Variants in RIMBP2 observed in about 807,000 individuals in gnomAD.
RIMBP2 encodes the protein RIMS binding protein 2, also known as RIMS-binding protein 2.
RIMBP2 carries 48 observed loss-of-function variants against 118.6 expected under a neutral mutation model. The ratio of observed to expected loss-of-function variants is 0.40; its 90% confidence interval spans 0.32 to 0.51. RIMBP2 has a LOEUF of 0.51. RIMBP2 is among the 20% of genes least tolerant of loss of function. RIMBP2 has a pLI of 0.41. For missense variants in RIMBP2, 1,551 were observed against 1,768.3 expected (o/e 0.88, Z 2.20); for synonymous variants, 762 against 742.9 (o/e 1.03, Z -0.42).
At chr12:130,588,551 A>G (rs1426140131) in intron 2 of RIMBP2, among the ~76,000 whole-genome samples, 1 of 152,232 alleles carries the variant, frequency 6.6e-6, no homozygotes, top group East Asian at 1.9e-4. Context: ...CACGAGCTGA[A>G]GGGAGACACG....
intron 2 of RIMBP2, among the ~76,000 whole-genome samples, chr12:130,573,461 T>TGC (rs2057849368): frequency 6.6e-6 from 1 of 151,838 alleles, no homozygotes. Context: ...CGTGGGTGCA[T>TGC]GTGGGTGTGC....
chr12:130,679,931 G>A (rs1206444270), intron 1 of RIMBP2, among the ~76,000 whole-genome samples: 3 of 151,594 alleles, frequency 2.0e-5, no homozygotes, highest in Non-Finnish European at 1.5e-5. Context: ...CACCCACCGC[G>A]GGAAGGACCC....
intron 5 of RIMBP2, among the ~76,000 whole-genome samples, chr12:130,471,294 T>C (rs2080982289): frequency 6.6e-6 from 1 of 152,248 alleles, no homozygotes; most frequent in African/African-American, 2.4e-5. Context: ...TCGGGATGGC[T>C]GCTGCCCAGG....
chr12:130,448,049 A>G (rs1485383293), intron 9 of RIMBP2, among the ~76,000 whole-genome samples: 8 of 152,006 alleles, frequency 5.3e-5, no homozygotes, highest in Non-Finnish European at 1.0e-4. Context: ...GAAAACTCAG[A>G]AACAGCTCTC....
intron 2 of RIMBP2, among the ~76,000 whole-genome samples, chr12:130,546,249 G>A (rs1220586192): frequency 6.6e-6 from 1 of 151,770 alleles, no homozygotes; most frequent in African/African-American, 2.4e-5. Context: ...GACTACAGGT[G>A]TCCACTACCA....
intron 1 of RIMBP2, among the ~76,000 whole-genome samples, chr12:130,644,214 C>T (rs1046206065): frequency 5.3e-5 from 8 of 152,128 alleles, no homozygotes; most frequent in East Asian, 1.9e-4. Flanking sequence ...AACAAGGCCT[C>T]GAACTCACTC....
chr12:130,655,706 AAC>A (rs1414600216), intron 1 of RIMBP2, among the ~76,000 whole-genome samples: 3 of 152,218 alleles, frequency 2.0e-5, no homozygotes, highest in Non-Finnish European at 4.4e-5. Context: ...TATACAGGCA[AAC>A]ACAGATACAT....
At position 130,446,929 on chromosome 12, in the gene RIMBP2, T is replaced by A. The variant is rs1343076219; in HGVS notation, c.582-1660A>T. 6.9e-6 allele frequency among the ~76,000 whole-genome samples: 1 copy of A among 145,164 alleles called. No individual in the cohort carries two copies. Among genetic ancestry groups the A allele is most frequent in the Admixed American group, 7.1e-5 (1 of 14,156 alleles). Reference sequence around the variant, plus strand: ...TTGCCTGGCTGCAGGGATGAGGGACTGAGGTGCAGGAGGACCCTCGGCTTT... The same window carrying A: ...TTGCCTGGCTGCAGGGATGAGGGACAGAGGTGCAGGAGGACCCTCGGCTTT... On this transcript the variant is annotated intron_variant, in intron 9 of 22. Transcript: ENST00000690449. This position sits in a 1 kb window ranked among gnomAD's most constrained non-coding sequence, Gnocchi z 4.1.
At chr12:130,438,878 G>A (rs75689858) in intron 11 of RIMBP2, among the ~76,000 whole-genome samples, 542 of 152,236 alleles carry the variant, frequency 3.6e-3, no homozygotes, top group African/African-American at 9.5e-3. Context: ...GCAGCCACAC[G>A]ATTAGCTCAG....
At chr12:130,517,044 G>A (rs1290367980) in intron 3 of RIMBP2, among the ~76,000 whole-genome samples, 1 of 152,134 alleles carries the variant, frequency 6.6e-6, no homozygotes, top group Non-Finnish European at 1.5e-5. Flanking sequence ...CCATGTGTGG[G>A]AAACTTAATC....
intron 14 of RIMBP2, chr12:130,432,045 A>T (rs1229979110): frequency 6.6e-6 from 2 of 301,364 alleles, no homozygotes; most frequent in Non-Finnish European, 1.3e-5. Context: ...TGTGGCTGCC[A>T]TAAGACAGCG....
chr12:130,643,503 G>A (rs2062715894), intron 1 of RIMBP2, among the ~76,000 whole-genome samples: 1 of 152,092 alleles, frequency 6.6e-6, no homozygotes, highest in South Asian at 2.1e-4. Flanking sequence ...GAGAGCTGTT[G>A]CCTACAGAAA....
At chr12:130,406,597 C>T (rs529088214) in intron 20 of RIMBP2, among the ~76,000 whole-genome samples, 14 of 152,324 alleles carry the variant, frequency 9.2e-5, no homozygotes, top group South Asian at 2.1e-4. Context: ...AGGACCATTA[C>T]GTAAATATCC....
chr12:130,692,852 A>G (rs866070281), intron 1 of RIMBP2, among the ~76,000 whole-genome samples: 4 of 65,616 alleles, frequency 6.1e-5, no homozygotes, highest in African/African-American at 4.5e-4. Context: ...GGGATGGGAT[A>G]GGGTAGGGTA....
At chr12:130,438,335 A>ACGGGGGGGC in intron 12 of RIMBP2, 30 bp downstream of exon 12, 1 of 865,014 alleles carries the variant, frequency 1.2e-6, no homozygotes, top group East Asian at 2.8e-5. Flanking sequence ...GGCCTAACAA[A>ACGGGGGGGC]CCCTCCCCAC....
intron 12 of RIMBP2, 26 bp downstream of exon 12, chr12:130,438,339 T>TTGGGGGGGGGGGG: frequency 1.3e-6 from 1 of 755,644 alleles, no homozygotes; most frequent in Non-Finnish European, 2.1e-6. Flanking sequence ...TAACAAACCC[T>TTGGGGGGGGGGGG]CCCCACCCAC....
In RIMBP2 at chr12:130,703,300, T is replaced by G. The variant is rs2065949618; in HGVS notation, c.-352+12922A>C. Among the ~76,000 whole-genome samples, 1 of 152,154 alleles carries G rather than the reference T, an allele frequency of 6.6e-6. No homozygotes were observed. The highest frequency in any genetic ancestry group is 2.4e-5 in the African/African-American group (1 of 41,432). On this transcript the variant is annotated intron_variant, in intron 1 of 22. Transcript: ENST00000690449. The surrounding 1 kb of genome is among the most constrained non-coding windows in gnomAD (Gnocchi z 5.7). ...GGCTCCCCCTCCGCCCTGGACATTT[T>G]CAGTTTCCTGCACTTATTATGAAGC...
chr12:130,645,340 C>A (rs934973092), intron 1 of RIMBP2, among the ~76,000 whole-genome samples: 2 of 152,202 alleles, frequency 1.3e-5, no homozygotes, highest in Non-Finnish European at 2.9e-5. Context: ...CAGCACACCG[C>A]TCCCCCAAAA....
In RIMBP2 at chr12:130,441,961, T is replaced by C; in HGVS notation, c.1391A>G (p.Asn464Ser). ...CAGAACCTTCACCTTATAGGCCATG[T>C]TGGGCCTGAGATTGAAGAACTGGTA... ...YKYQFFNLRP[N>S]MAYKVKVLAK... Residue 464 changes from asparagine (N) to serine (S), a missense_variant, in exon 11 of 23, where the codon AAC becomes AGC. By Grantham distance (46) the Asn-to-Ser change is conservative (BLOSUM62 1). This residue lies in a region of RIMBP2 where 265 missense variants were observed against 349.5 expected (regional missense o/e 0.76). Transcript: ENST00000690449. 6.2e-7 allele frequency: 1 copy of C among 1,614,134 alleles called. No individual in the cohort carries two copies. The highest frequency in any genetic ancestry group is 8.5e-7 in the Non-Finnish European group (1 of 1,180,048).
Sources: gnomAD v4.1 joint callset for allele counts (sites outside exome capture counted in the v4.1 genomes callset) on GRCh38, gnomAD v4.1.1 for gene constraint, gnomAD v4.1.1 regional missense constraint, Gnocchi (gnomAD v3.1) non-coding constraint, MANE v1.5 for transcripts, NCBI Gene and HGNC (gene_info 2026-07-23, HGNC 2026-07-21) for gene names.